FKBP3: variants seen among roughly 807,000 people sequenced by gnomAD.
FKBP3 encodes the protein peptidyl-prolyl cis-trans isomerase FKBP3.
Under a neutral mutation model 30.6 loss-of-function variants are expected in FKBP3, and 21 were observed. The ratio of observed to expected loss-of-function variants is 0.69; its 90% CI spans 0.49 to 0.99. The LOEUF is 0.99. Among genes scored for constraint, FKBP3 ranks in the 50% least tolerant of loss-of-function variants. The probability of loss-of-function intolerance (pLI) is 0.00; values close to 1 mark genes in which losing one functional copy is unlikely to be tolerated. For synonymous variants in FKBP3, 82 were observed against 91.3 expected (o/e 0.90, Z 0.58); for missense variants, 283 against 261.6 (o/e 1.08, Z -0.56).
At chr14:45,122,588 C>A (rs1885008956) in intron 3 of FKBP3, among the ~76,000 whole-genome samples, 1 of 151,740 alleles carries the variant, frequency 6.6e-6, no homozygotes, top group Admixed American at 6.6e-5. Context: ...GCAACAACCT[C>A]TGCCTCCTGG....
chr14:45,116,361 G>T, intron 6 of FKBP3, 109 bp from the exon 7 acceptor site: 1 of 735,398 alleles, frequency 1.4e-6, no homozygotes, highest in Non-Finnish European at 2.4e-6. Flanking sequence ...ATTGAGCTTG[G>T]ACTAGGATCC....
intron 3 of FKBP3, among the ~76,000 whole-genome samples, chr14:45,129,538 C>T (rs1224138252): frequency 2.0e-5 from 3 of 152,156 alleles, no homozygotes; most frequent in Non-Finnish European, 4.4e-5. Context: ...AAGGTCTGGA[C>T]AGATGTGGAG....
chr14:45,129,203 A>C (rs1360078781), intron 3 of FKBP3, among the ~76,000 whole-genome samples: 1 of 152,254 alleles, frequency 6.6e-6, no homozygotes, highest in Non-Finnish European at 1.5e-5. Flanking sequence ...GAGCTTAGAT[A>C]GTAAGGTATT....
rs1211331351 is a variant in FKBP3 at position 45,119,517 on chromosome 14, C to T, written c.522+1370G>A. Among the ~76,000 whole-genome samples the T allele has an allele frequency of 1.3e-5, 2 of 151,526 alleles. 1 individual carries two copies. The highest frequency in any genetic ancestry group is 4.2e-4 in the South Asian group (2 of 4,786). Reference sequence around the variant, plus strand: ...TCAGGAGACAGAGGTTGCAGTAAGCCGAGATTGCACCATTGTACTCCAGCC... The same window carrying T: ...TCAGGAGACAGAGGTTGCAGTAAGCTGAGATTGCACCATTGTACTCCAGCC... On this transcript the variant is annotated intron_variant, in intron 5 of 6. Transcript: ENST00000396062.
In FKBP3 at chr14:45,120,906, A is replaced by G; in HGVS notation, c.503T>C (p.Val168Ala). Residue 168 changes from valine (V) to alanine (A), a missense_variant, in exon 5 of 7, where the codon GTA (valine) becomes GCA (alanine). Coordinates refer to ENST00000396062, the MANE Select transcript of FKBP3 (RefSeq NM_002013.4). ...ACTTACTCCTCTGATAACTTTGCCT[A>G]CTCCGACCTTAAAACTTAAAGGCTT... ...NAKPLSFKVG[V>A]GKVIRGWDEA... 6.2e-7 allele frequency: 1 copy of G among 1,613,070 alleles called. No homozygotes were observed. Among genetic ancestry groups the G allele is most frequent in the Non-Finnish European group, 8.5e-7 (1 of 1,179,616 alleles).
chr14:45,116,501 TAGAG>T (rs113810759), intron 6 of FKBP3, among the ~76,000 whole-genome samples: 3 of 151,180 alleles, frequency 2.0e-5, no homozygotes, highest in Admixed American at 6.6e-5. Flanking sequence ...TATATACATA[TAGAG>T]AGAGAGTATT....
At chr14:45,131,591 T>C (rs759773244) in intron 1 of FKBP3, among the ~76,000 whole-genome samples, 5 of 133,126 alleles carry the variant, frequency 3.8e-5, no homozygotes, top group Non-Finnish European at 3.0e-5. Context: ...ATCGCACCAC[T>C]GCATTCCAGC....
At chr14:45,120,863 G>A in intron 5 of FKBP3, 24 bp downstream of exon 5, 3 of 1,577,166 alleles carry the variant, frequency 1.9e-6, no homozygotes. Context: ...AATATCTACT[G>A]ATTCATTGGC....
At chr14:45,131,750 A>T (rs1885221155) in intron 1 of FKBP3, among the ~76,000 whole-genome samples, 1 of 152,032 alleles carries the variant, frequency 6.6e-6, no homozygotes, top group Non-Finnish European at 1.5e-5. Flanking sequence ...TACGTCAAAG[A>T]GTTGATATAA....
chr14:45,133,631 GA>G (rs1252151301), intron 1 of FKBP3, among the ~76,000 whole-genome samples: 3 of 152,258 alleles, frequency 2.0e-5, no homozygotes, highest in African/African-American at 7.2e-5. Flanking sequence ...TTTTCCAAAG[GA>G]AAAACAAGTG....
rs747305559 is a variant in FKBP3, at chr14:45,121,624, A to G, written c.319-4T>C. On this transcript the variant is annotated splice_polypyrimidine_tract_variant and splice_region_variant and intron_variant, in intron 3 of 6. Coordinates refer to ENST00000396062, the MANE Select transcript of FKBP3 (RefSeq NM_002013.4). The stretch of plus-strand genomic sequence containing the variant: ...ATTTAGTATATTTTGGTGGACCCTA[A>G]AAACAAAAAACAACACACACACACA... The G allele has an allele frequency of 1.2e-6, 2 of 1,612,282 alleles. No homozygotes were observed. The highest frequency in any genetic ancestry group is 3.3e-5 in the Admixed American group (2 of 59,878).
At chr14:45,125,510 G>A (rs375220482) in intron 3 of FKBP3, among the ~76,000 whole-genome samples, 222 of 152,166 alleles carry the variant, frequency 1.5e-3, no homozygotes, top group Middle Eastern at 0.014. Context: ...AGTTTCTGTC[G>A]TAACTTATAT....
rs78416768 is a variant in FKBP3 at position 45,120,806 on chromosome 14, C to T, written c.522+81G>A. 8,290 of 1,168,728 alleles carry T rather than the reference C, an allele frequency of 7.1e-3. 422 individuals are homozygous for T. In the African/African-American group the frequency reaches 0.11, roughly 15 times the overall value. The allele number at this position is 1,168,728 out of a possible 1,614,324, so 72.4% of individuals were successfully genotyped here. ...AGTCTGTTTCCTTTGTATTATATCC[C>T]CAAACCTAATTCTTTACAGCACCAT... is the stretch of plus-strand genomic sequence containing the variant. On this transcript the variant is annotated intron_variant, in intron 5 of 6. Coordinates refer to ENST00000396062, the MANE Select transcript of FKBP3 (RefSeq NM_002013.4).
At chr14:45,129,392 G>A (rs1885167478) in intron 3 of FKBP3, among the ~76,000 whole-genome samples, 1 of 152,168 alleles carries the variant, frequency 6.6e-6, no homozygotes, top group Non-Finnish European at 1.5e-5. Context: ...ACATCCTGCA[G>A]CCAAGCCTGG....
intron 6 of FKBP3, 28 bp downstream of exon 6, chr14:45,118,000 T>G: frequency 3.7e-6 from 5 of 1,344,144 alleles, no homozygotes; most frequent in Non-Finnish European, 4.2e-6. Flanking sequence ...TTTTTTCAAC[T>G]TTAATTATGA....
intron 6 of FKBP3, among the ~76,000 whole-genome samples, chr14:45,117,331 TAA>T (rs901272497): frequency 6.6e-6 from 1 of 152,228 alleles, no homozygotes; most frequent in Non-Finnish European, 1.5e-5. Flanking sequence ...GTTTATCTGC[TAA>T]GACTACAGAA....
intron 4 of FKBP3, 51 bp downstream of exon 4, chr14:45,121,434 A>G (rs1884982417): frequency 6.6e-7 from 1 of 1,516,232 alleles, no homozygotes; most frequent in Non-Finnish European, 9.1e-7. Flanking sequence ...CTGCCACCCA[A>G]GTATTTAGAA....
At chr14:45,124,557 T>TATA (rs567329307) in intron 3 of FKBP3, among the ~76,000 whole-genome samples, 32 of 146,594 alleles carry the variant, frequency 2.2e-4, no homozygotes, top group African/African-American at 7.6e-4. Context: ...ATATATATAT[T>TATA]TTTTTTTCTT....
At chr14:45,126,479 C>A (rs756890642) in intron 3 of FKBP3, among the ~76,000 whole-genome samples, 6 of 151,778 alleles carry the variant, frequency 4.0e-5, no homozygotes, top group Non-Finnish European at 8.8e-5. Flanking sequence ...CAGAGCGTGA[C>A]CCCGTCTCAA....
Sources: allele counts gnomAD v4.1 joint callset (sites outside exome capture counted in the v4.1 genomes callset), GRCh38; gene constraint gnomAD v4.1.1; transcripts MANE v1.5; gene names NCBI Gene and HGNC (gene_info 2026-07-23, HGNC 2026-07-21).